FGF13: variants seen among roughly 807,000 people sequenced by gnomAD.
FGF13 encodes the protein fibroblast growth factor 13, also known as fibroblast growth factor homologous factor 2.
FGF13 carries 2 observed loss-of-function variants against 19.5 expected under a neutral mutation model. The observed-to-expected ratio is 0.10, with a 90% confidence interval of 0.04 to 0.32. FGF13 has a LOEUF of 0.32. Among genes scored for constraint, FGF13 ranks in the 10% least tolerant of loss-of-function variants. The pLI is 1.00. For missense variants in FGF13, 113 were observed against 192.7 expected (o/e 0.59, Z 2.45); for synonymous variants, 72 against 76.9 (o/e 0.94, Z 0.33).
At chrX:139,008,224 A>G (rs2092112402) in intron 1 of FGF13, among the ~76,000 whole-genome samples, 1 of 111,780 alleles carries the variant, frequency 8.9e-6, no homozygotes, top group African/African-American at 3.2e-5. Context: ...CCACCCTGGT[A>G]CCAAAGACAA....
chrX:138,773,940 C>T (rs1459384572), intron 3 of FGF13, among the ~76,000 whole-genome samples: 1 of 111,287 alleles, frequency 9.0e-6, no homozygotes, highest in Non-Finnish European at 1.9e-5. Context: ...TGAATAGATA[C>T]AAATAATCTA....
intron 3 of FGF13, among the ~76,000 whole-genome samples, chrX:138,756,880 C>A (rs2090434782): frequency 9.0e-6 from 1 of 111,714 alleles, no homozygotes; most frequent in African/African-American, 3.3e-5. Context: ...GGAACACCCT[C>A]CTTCTTTCTC....
chrX:138,931,184 C>G (rs1419011078), intron 1 of FGF13, among the ~76,000 whole-genome samples: 1 of 111,865 alleles, frequency 8.9e-6, no homozygotes, highest in Non-Finnish European at 1.9e-5. Flanking sequence ...AATACCTGTG[C>G]ACTGGATACA....
At chrX:139,152,535 A>T (rs2083943273) in intron 1 of FGF13, among the ~76,000 whole-genome samples, 1 of 110,407 alleles carries the variant, frequency 9.1e-6, no homozygotes, top group Non-Finnish European at 1.9e-5. Flanking sequence ...GGAAAGGTGG[A>T]TCTACCCAGA....
rs202049413 is a variant in FGF13 at position 138,739,290 on chromosome X, T to TA, written c.-22dup. 4,444 of 1,196,790 alleles carry TA rather than the reference T, an allele frequency of 3.7e-3. 60 individuals are homozygous for TA. The South Asian group carries it at 0.044, about 12-fold the overall frequency. ...GCCATGCTTCTTTATAAGCTGGTCC[T>TA]ACCCAGACAATTGCTGTCTACATTT... is the stretch of plus-strand genomic sequence containing the variant. On this transcript the variant is annotated 5_prime_UTR_variant, in exon 1 of 5. Coordinates refer to the FGF13 transcript ENST00000305414.
chrX:138,747,498 G>A lies in FGF13; in HGVS notation c.218-38570C>T, dbSNP rs758409483. 4.5e-5 allele frequency among the ~76,000 whole-genome samples: 5 copies of A among 111,792 alleles called. No individual in the cohort carries two copies. The South Asian group carries it at 1.1e-3, about 25-fold the overall frequency. On this transcript the variant is annotated intron_variant, in intron 3 of 6. Coordinates refer to the FGF13 transcript ENST00000436198. ...TGCTAAAGGTTCAACTAAAGCCTAC[G>A]GTAAATAAATCTATTTTATGTGAGA...
upstream of FGF13, among the ~76,000 whole-genome samples, chrX:138,743,019 G>A (rs1271985961): frequency 9.0e-6 from 1 of 111,461 alleles, no homozygotes; most frequent in Non-Finnish European, 1.9e-5. Context: ...AGTAAGGACA[G>A]ATATATTTTT....
chrX:138,912,592 C>T (rs1047736212), intron 1 of FGF13, among the ~76,000 whole-genome samples: 9 of 111,910 alleles, frequency 8.0e-5, no homozygotes, highest in African/African-American at 2.3e-4. Flanking sequence ...GGTGGCCTAA[C>T]GAGCAGATTA....
chrX:138,715,369 C>T (rs1042942257), upstream of FGF13, among the ~76,000 whole-genome samples: 6 of 112,285 alleles, frequency 5.3e-5, no homozygotes, highest in Non-Finnish European at 1.1e-4. Flanking sequence ...TGGCAGTTTT[C>T]ACTTTGTATT....
intron 1 of FGF13, among the ~76,000 whole-genome samples, chrX:139,164,846 C>T: frequency 9.1e-6 from 1 of 110,381 alleles, no homozygotes; most frequent in Non-Finnish European, 1.9e-5. Flanking sequence ...AGTAAATGAA[C>T]TACTTAATAT....
intron 3 of FGF13, among the ~76,000 whole-genome samples, chrX:138,824,533 T>C (rs1488697934): frequency 9.0e-6 from 1 of 111,384 alleles, no homozygotes; most frequent in South Asian, 3.8e-4. Flanking sequence ...TACGATACTT[T>C]TTGTTCAAAA....
At chrX:139,171,108 G>C (rs1438805402) in intron 1 of FGF13, among the ~76,000 whole-genome samples, 1 of 110,822 alleles carries the variant, frequency 9.0e-6, no homozygotes, top group Non-Finnish European at 1.9e-5. Flanking sequence ...ACAGGGCCTT[G>C]ATAATGTCTT....
chrX:138,816,698 C>A (rs1352210454), intron 3 of FGF13, among the ~76,000 whole-genome samples: 1 of 112,688 alleles, frequency 8.9e-6, no homozygotes, highest in Non-Finnish European at 1.9e-5. Context: ...AGGCCCAGGA[C>A]AGCTTCGAAT....
chrX:138,782,475 C>T (rs1332139030), intron 3 of FGF13, among the ~76,000 whole-genome samples: 1 of 110,576 alleles, frequency 9.0e-6, no homozygotes, highest in East Asian at 2.8e-4. Flanking sequence ...TCTCAGGATA[C>T]AAAATCAATG....
intron 1 of FGF13, among the ~76,000 whole-genome samples, chrX:139,071,246 G>A (rs1341684614): frequency 9.0e-6 from 1 of 111,142 alleles, no homozygotes; most frequent in Non-Finnish European, 1.9e-5. Flanking sequence ...TGTATTTACC[G>A]TGTTGTCTCT....
intron 1 of FGF13, among the ~76,000 whole-genome samples, chrX:139,187,349 C>A (rs1285002750): frequency 8.9e-6 from 1 of 112,646 alleles, no homozygotes; most frequent in Admixed American, 9.3e-5. Context: ...TTCTTTTTGA[C>A]TTAATAAAAA....
chrX:138,995,064 C>A (rs920515619), intron 1 of FGF13, among the ~76,000 whole-genome samples: 1 of 108,698 alleles, frequency 9.2e-6, no homozygotes, highest in African/African-American at 3.4e-5. Flanking sequence ...CTGAAAGAGG[C>A]AATGAAGAGG....
intron 1 of FGF13, among the ~76,000 whole-genome samples, chrX:138,874,048 A>C (rs1008727913): frequency 1.9e-5 from 2 of 104,403 alleles, no homozygotes; most frequent in Non-Finnish European, 3.9e-5. Flanking sequence ...AGATATACCT[A>C]ATGAAAATGA....
At chrX:138,790,251 A>G (rs1177283875) in intron 3 of FGF13, among the ~76,000 whole-genome samples, 3 of 106,832 alleles carry the variant, frequency 2.8e-5, no homozygotes, top group Non-Finnish European at 5.8e-5. Flanking sequence ...GGGGAAAGAG[A>G]ACTAGCTATC....
Sources: gnomAD v4.1 joint callset for allele counts (sites outside exome capture counted in the v4.1 genomes callset) on GRCh38, gnomAD v4.1.1 for gene constraint, MANE v1.5 for transcripts, NCBI Gene and HGNC (gene_info 2026-07-23, HGNC 2026-07-21) for gene names.